Variants in EIF2D observed in about 807,000 individuals in gnomAD.
The protein encoded by EIF2D is eukaryotic translation initiation factor 2D.
Under a neutral mutation model 77.4 loss-of-function variants are expected in EIF2D, and 56 were observed. That is an observed-to-expected ratio of 0.72 (90% confidence interval 0.58 to 0.90). The LOEUF is 0.90. EIF2D is among the 40% of genes least tolerant of loss of function. The probability of loss-of-function intolerance (pLI) is 0.00; values close to 1 mark genes in which losing one functional copy is unlikely to be tolerated. For missense variants in EIF2D, 574 were observed against 706.5 expected (o/e 0.81, Z 2.13); for synonymous variants, 230 against 271.0 (o/e 0.85, Z 1.49).
Position 206,612,351 on chromosome 1 carries a change from G to A in EIF2D, c.-9C>T. ...AAGGCCTTGGCAAACATGTCTGCTGGGGTGGCCTGGGGAAGAGAGCACAGA... is the reference window on the plus strand; with the variant it reads ...AAGGCCTTGGCAAACATGTCTGCTGAGGTGGCCTGGGGAAGAGAGCACAGA... On this transcript the variant is annotated 5_prime_UTR_variant, in exon 1 of 15. Coordinates refer to ENST00000271764, the MANE Select transcript of EIF2D (RefSeq NM_006893.3). 2 of 1,614,266 alleles carry A rather than the reference G, an allele frequency of 1.2e-6. No individual in the cohort carries two copies. The highest frequency in any genetic ancestry group is 1.1e-5 in the South Asian group (1 of 91,088).
rs1378983606 is a variant in EIF2D at position 206,592,487 on chromosome 1, T to C, written c.1685-642A>G. Among the ~76,000 whole-genome samples, 1 of 152,156 alleles carries C rather than the reference T, an allele frequency of 6.6e-6. No individual in the cohort carries two copies. Among genetic ancestry groups the C allele is most frequent in the Non-Finnish European group, 1.5e-5 (1 of 68,024 alleles). On this transcript the variant is annotated intron_variant, in intron 14 of 14. Transcript: ENST00000271764. The surrounding 1 kb of genome is among the most constrained non-coding windows in gnomAD (Gnocchi z 4.7). Reference sequence around the variant, plus strand: ...TGGGAGGGCATCTTAGGCAAGGGGATAGCCCAGGCGGAAGCACATGTGGGT... The same window carrying C: ...TGGGAGGGCATCTTAGGCAAGGGGACAGCCCAGGCGGAAGCACATGTGGGT...
In EIF2D at chr1:206,602,348, A is replaced by G. The variant is rs782336121; in HGVS notation, c.890T>C (p.Met297Thr). 10 of 1,614,032 alleles carry G rather than the reference A, an allele frequency of 6.2e-6. No individual in the cohort carries two copies. The highest frequency in any genetic ancestry group is 2.2e-5 in the South Asian group (2 of 91,094). Residue 297 changes from methionine to threonine, a missense_variant, in exon 7 of 15, where the codon ATG (methionine) becomes ACG (threonine). Coordinates refer to ENST00000271764, the MANE Select transcript of EIF2D (RefSeq NM_006893.3). ...GTGCTTTCCATACCAGCAGGAGAAC[A>G]TGTGGCTGCCAAGGAAAGTGCTGGT... The part of the protein sequence containing the change: ...LLTSTFLGSH[M>T]FSCCPEGRQL...
chr1:206,597,038 A>G, intron 12 of EIF2D, 62 bp downstream of exon 12: 13 of 1,241,864 alleles, frequency 1.0e-5, no homozygotes, highest in Non-Finnish European at 1.5e-5. Context: ...TTAAAGTTCA[A>G]TGTGATCAAC....
At position 206,579,977 on chromosome 1, in the gene EIF2D, G is replaced by A. The variant is rs180697265; in HGVS notation, c.*254+715C>T. On this transcript the variant is annotated intron_variant and NMD_transcript_variant, in intron 4 of 5. Coordinates refer to the EIF2D transcript ENST00000472709. This position sits in a 1 kb window ranked among gnomAD's most constrained non-coding sequence, Gnocchi z 4.2. ...CTGGCATTCCATGGCTGTGACATTCGTAGTGTTGGCTACACACGGGGCTCC... is the reference window on the plus strand; with the variant it reads ...CTGGCATTCCATGGCTGTGACATTCATAGTGTTGGCTACACACGGGGCTCC... Among the ~76,000 whole-genome samples the A allele has an allele frequency of 6.6e-4, 101 of 152,326 alleles. No individual in the cohort carries two copies. Among genetic ancestry groups the A allele is most frequent in the African/African-American group, 2.2e-3 (92 of 41,560 alleles).
chr1:206,574,281 CTG>C (rs1668554553), intron 4 of EIF2D, among the ~76,000 whole-genome samples: 1 of 152,218 alleles, frequency 6.6e-6, no homozygotes, highest in African/African-American at 2.4e-5. Context: ...CCAGATCACA[CTG>C]TACTTGCTCT....
chr1:206,573,184 C>T (rs951573075), intron 4 of EIF2D, among the ~76,000 whole-genome samples: 3 of 152,280 alleles, frequency 2.0e-5, no homozygotes, highest in South Asian at 2.1e-4. Context: ...AATCAGTCTC[C>T]GTGTGGTGGC....
At chr1:206,610,217 A>C (rs1216697514) in intron 2 of EIF2D, among the ~76,000 whole-genome samples, 4 of 152,238 alleles carry the variant, frequency 2.6e-5, no homozygotes, top group Admixed American at 6.5e-5. Context: ...TGCTACAGAT[A>C]GTTTTAAGAA....
rs570942462 is a variant in EIF2D at position 206,581,683 on chromosome 1, AAGG to A, written c.139-524_139-522del. ...AAGGAAGGAAGGAAGGAAAGAAAGA[AAGG>A]AGGATGTCAGCTGTGCTGAGGGGTT... On this transcript the variant is annotated intron_variant and NMD_transcript_variant, in intron 2 of 5. Coordinates refer to the EIF2D transcript ENST00000472709. Among the ~76,000 whole-genome samples, 3 of 151,644 alleles carry A rather than the reference AAGG, an allele frequency of 2.0e-5. No homozygotes were observed. In the South Asian group the frequency reaches 6.2e-4, roughly 32 times the overall value.
intron 4 of EIF2D, among the ~76,000 whole-genome samples, chr1:206,607,674 G>A (rs1553412971): frequency 6.6e-6 from 1 of 151,970 alleles, no homozygotes; most frequent in East Asian, 1.9e-4. Context: ...AAAAGCATGA[G>A]GGTGATGAAA....
rs782301149 is a variant in EIF2D, at chr1:206,584,504, C to T, written c.139-3342G>A. 68 of 1,614,016 alleles carry T rather than the reference C, an allele frequency of 4.2e-5. No individual in the cohort carries two copies. Among genetic ancestry groups the T allele is most frequent in the Non-Finnish European group, 5.8e-5 (68 of 1,180,006 alleles). Reference sequence around the variant, plus strand: ...CTATGATGCCATCAAGGAGGTGAACCTGGCGGCTACCACGGACAAGCGGAC... The same window carrying T: ...CTATGATGCCATCAAGGAGGTGAACTTGGCGGCTACCACGGACAAGCGGAC... On this transcript the variant is annotated intron_variant and NMD_transcript_variant, in intron 2 of 5. Coordinates refer to the EIF2D transcript ENST00000472709. This position sits in a 1 kb window ranked among gnomAD's most constrained non-coding sequence, Gnocchi z 4.9.
downstream of EIF2D, among the ~76,000 whole-genome samples, chr1:206,590,047 A>T (rs957461246): frequency 4.6e-5 from 7 of 152,214 alleles, no homozygotes; most frequent in Admixed American, 2.0e-4. Flanking sequence ...AGGGTTAATA[A>T]ATTCAAAGTT....
chr1:206,580,422 AGAG>A (rs1668824968), intron 4 of EIF2D, among the ~76,000 whole-genome samples: 1 of 152,240 alleles, frequency 6.6e-6, no homozygotes, highest in Non-Finnish European at 1.5e-5. Context: ...TACATGCGTC[AGAG>A]ACAGAGTGAG....
chr1:206,583,294 C>A, intron 2 of EIF2D: 1 of 1,613,468 alleles, frequency 6.2e-7, no homozygotes, highest in Non-Finnish European at 8.5e-7. Flanking sequence ...GTGGAGGAGA[C>A]ACAGCGCCCG....
intron 12 of EIF2D, among the ~76,000 whole-genome samples, chr1:206,596,798 G>A (rs1553410171): frequency 1.3e-5 from 2 of 151,976 alleles, no homozygotes; most frequent in African/African-American, 2.4e-5. Flanking sequence ...CAATCCTACC[G>A]CCTCCGCCTC....
chr1:206,584,908 A>G lies in EIF2D; in HGVS notation c.139-3746T>C, dbSNP rs1373033495. The G allele has an allele frequency of 3.3e-6, 2 of 613,222 alleles. No individual in the cohort carries two copies. Among genetic ancestry groups the G allele is most frequent in the Non-Finnish European group, 5.7e-6 (2 of 348,642 alleles). The allele number at this position is 613,222 out of a possible 1,614,324, so 38.0% of individuals were successfully genotyped here. A position where few individuals can be genotyped will look rare whatever the true frequency, so the allele number is the denominator to read the frequency against. ...CAGGAAAACCACACCCTAGGCTCCC[A>G]TTTCCTGATCTGTGCAATGGGAGGA... is the stretch of plus-strand genomic sequence containing the variant. On this transcript the variant is annotated intron_variant and NMD_transcript_variant, in intron 2 of 5. Coordinates refer to the EIF2D transcript ENST00000472709. The surrounding 1 kb of genome is among the most constrained non-coding windows in gnomAD (Gnocchi z 4.9).
At chr1:206,591,269 G>A (rs1320550332), downstream of EIF2D, among the ~76,000 whole-genome samples, 1 of 152,170 alleles carries the variant, frequency 6.6e-6, no homozygotes, top group Admixed American at 6.6e-5. Flanking sequence ...TACTGTTTCT[G>A]ATTTCTATCT....
At chr1:206,587,813 C>CTAAG (rs1483095087), downstream of EIF2D, 2 of 152,452 alleles carry the variant, frequency 1.3e-5, no homozygotes, top group African/African-American at 4.8e-5. Flanking sequence ...AAGTCTCCTG[C>CTAAG]TAAGTATGGA....
chr1:206,589,725 CA>C (rs1669281745), downstream of EIF2D, among the ~76,000 whole-genome samples: 1 of 152,208 alleles, frequency 6.6e-6, no homozygotes, highest in South Asian at 2.1e-4. Context: ...ATGACCAAAA[CA>C]AACAGTCCTT....
chr1:206,609,577 G>T (rs1347177603), intron 2 of EIF2D, 118 bp from the exon 3 acceptor site: 3 of 808,770 alleles, frequency 3.7e-6, no homozygotes, highest in African/African-American at 1.7e-5. Context: ...TCAACTCAAA[G>T]CTAAAGAGAA....
Sources: allele counts gnomAD v4.1 joint callset (sites outside exome capture counted in the v4.1 genomes callset), GRCh38; gene constraint gnomAD v4.1.1; non-coding constraint Gnocchi (gnomAD v3.1); transcripts MANE v1.5; gene names NCBI Gene and HGNC (gene_info 2026-07-23, HGNC 2026-07-21).